WDR72: variants seen among roughly 807,000 people sequenced by gnomAD.
WDR72 encodes the protein WD repeat domain 72.
Under a neutral mutation model 124.2 loss-of-function variants are expected in WDR72, and 120 were observed. The observed-to-expected ratio is 0.97, with a 90% CI of 0.83 to 1.12. The LOEUF (loss-of-function observed/expected upper bound fraction) is 1.12, where lower values mean the gene tolerates loss of function less well. Among genes scored for constraint, WDR72 ranks in the 50% most tolerant of loss-of-function variants. WDR72 has a pLI of 0.00. For synonymous variants in WDR72, 452 were observed against 441.7 expected (o/e 1.02, Z -0.29); for missense variants, 1,387 against 1,278.8 (o/e 1.08, Z -1.29).
chr15:53,702,400 C>T, intron 11 of WDR72, 46 bp from the exon 12 acceptor site: 1 of 1,478,840 alleles, frequency 6.8e-7, no homozygotes, highest in Non-Finnish European at 9.4e-7. Context: ...TATTTTTGTT[C>T]AGAAAATCGT....
intron 13 of WDR72, among the ~76,000 whole-genome samples, chr15:53,698,252 T>C (rs914482966): frequency 2.0e-5 from 3 of 152,156 alleles, no homozygotes; most frequent in African/African-American, 7.2e-5. Context: ...AAGGGGACCA[T>C]AAACACTCGT....
chr15:53,586,657 A>G (rs867033643), intron 18 of WDR72, among the ~76,000 whole-genome samples: 13 of 152,074 alleles, frequency 8.5e-5, no homozygotes, highest in Admixed American at 2.6e-4. Context: ...TCATTTAATC[A>G]GCCAGCAATA....
chr15:53,695,443 G>A lies in WDR72; in HGVS notation c.1765+4307C>T, dbSNP rs184572007. On this transcript the variant is annotated intron_variant, in intron 13 of 19. Transcript: ENST00000360509. ...TATTGTGTCTCACAGCAATGAGGGC[G>A]ACCAAGCCGCCCAGAGTTGTCAGTG... Among the ~76,000 whole-genome samples the A allele has an allele frequency of 1.4e-3, 220 of 152,302 alleles. 1 individual carries two copies. Among genetic ancestry groups the A allele is most frequent in the Admixed American group, 2.5e-3 (39 of 15,296 alleles).
At chr15:53,666,732 T>A (rs1181469470) in intron 13 of WDR72, among the ~76,000 whole-genome samples, 2 of 152,158 alleles carry the variant, frequency 1.3e-5, no homozygotes, top group East Asian at 3.8e-4. Flanking sequence ...TTAATTACAA[T>A]AAGAAAATAG....
At chr15:53,658,499 T>C (rs932009749) in intron 14 of WDR72, among the ~76,000 whole-genome samples, 4 of 152,208 alleles carry the variant, frequency 2.6e-5, no homozygotes, top group Non-Finnish European at 1.5e-5. Flanking sequence ...TGTCAACATC[T>C]GTGGGTGTTG....
chr15:53,519,006 T>C (rs1215017451), intron 19 of WDR72, among the ~76,000 whole-genome samples: 1 of 152,102 alleles, frequency 6.6e-6, no homozygotes, highest in East Asian at 1.9e-4. Context: ...TGCATTTTGT[T>C]GGACTTCTAA....
intron 18 of WDR72, among the ~76,000 whole-genome samples, chr15:53,590,631 T>C (rs11858504): frequency 0.32 from 49,109 of 151,908 alleles, 8,685 homozygotes; most frequent in Middle Eastern, 0.56. Context: ...AGCAATGTAA[T>C]ACGGTGATGA....
intron 14 of WDR72, among the ~76,000 whole-genome samples, chr15:53,647,530 T>C (rs2015084560): frequency 6.6e-6 from 1 of 152,078 alleles, no homozygotes; most frequent in South Asian, 2.1e-4. Context: ...ACAAATTATC[T>C]GTGCAATCAT....
intron 18 of WDR72, among the ~76,000 whole-genome samples, chr15:53,557,643 C>A (rs1893979726): frequency 6.6e-6 from 1 of 151,834 alleles, no homozygotes; most frequent in Admixed American, 6.6e-5. Context: ...TGGCTGAGGT[C>A]AAGAGAGATC....
At chr15:53,761,031 G>A (rs1181239417), upstream of WDR72, among the ~76,000 whole-genome samples, 1 of 152,112 alleles carries the variant, frequency 6.6e-6, no homozygotes, top group Non-Finnish European at 1.5e-5. Flanking sequence ...GACTGAGGCA[G>A]GAGAATCACT....
intron 18 of WDR72, among the ~76,000 whole-genome samples, chr15:53,589,107 A>G (rs1417017328): frequency 2.0e-5 from 3 of 151,938 alleles, no homozygotes; most frequent in African/African-American, 7.2e-5. Flanking sequence ...TAAAAATATC[A>G]AACTGAAATC....
At chr15:53,618,835 T>C (rs1438857623) in intron 14 of WDR72, among the ~76,000 whole-genome samples, 1 of 152,080 alleles carries the variant, frequency 6.6e-6, no homozygotes, top group East Asian at 1.9e-4. Flanking sequence ...TTGAATATTT[T>C]CTCTTACCAT....
chr15:53,656,881 T>C (rs1331933672), intron 14 of WDR72, among the ~76,000 whole-genome samples: 1 of 152,088 alleles, frequency 6.6e-6, no homozygotes, highest in Non-Finnish European at 1.5e-5. Flanking sequence ...CAATAAATAA[T>C]AACCTCTTTA....
In WDR72 at chr15:53,597,058, A is replaced by G; in HGVS notation, c.3148+21T>C. ...TAGAAAAGTTCTGTTGAAAGAGTAT[A>G]CCAATAAATTTTGTACTTACTTTGC... On this transcript the variant is annotated intron_variant, in intron 18 of 19. Coordinates refer to ENST00000360509, the MANE Select transcript of WDR72 (RefSeq NM_182758.4). 1.9e-6 allele frequency: 3 copies of G among 1,611,498 alleles called. No homozygotes were observed. In the South Asian group the frequency reaches 3.3e-5, roughly 18 times the overall value.
At chr15:53,585,405 C>A (rs1489412029) in intron 18 of WDR72, among the ~76,000 whole-genome samples, 2 of 151,960 alleles carry the variant, frequency 1.3e-5, no homozygotes, top group African/African-American at 4.8e-5. Context: ...CCAATCACCT[C>A]CCTCTCTTGA....
rs144352300 is a variant in WDR72 at position 53,680,399 on chromosome 15, C to A, written c.1766-14631G>T. Among the ~76,000 whole-genome samples the A allele has an allele frequency of 4.0e-3, 615 of 152,232 alleles. 2 individuals carry two copies. Among genetic ancestry groups the A allele is most frequent in the African/African-American group, 0.014 (586 of 41,542 alleles). ...TATTGATGGGAGATAACTTTGCTAA[C>A]AGACCAAGCTTAAGAAAACTATCAT... On this transcript the variant is annotated intron_variant, in intron 13 of 19. Coordinates refer to ENST00000360509, the MANE Select transcript of WDR72 (RefSeq NM_182758.4).
intron 14 of WDR72, among the ~76,000 whole-genome samples, chr15:53,642,558 T>C (rs949089325): frequency 2.0e-5 from 3 of 152,028 alleles, no homozygotes; most frequent in Non-Finnish European, 4.4e-5. Flanking sequence ...TTCTTTATTA[T>C]CCATAAATGT....
chr15:53,564,972 T>A (rs774271977), intron 18 of WDR72, among the ~76,000 whole-genome samples: 12 of 151,856 alleles, frequency 7.9e-5, no homozygotes, highest in Non-Finnish European at 1.6e-4. Flanking sequence ...ATAATTCTAA[T>A]GCAGATAGTC....
At chr15:53,706,573 T>C (rs2017386953) in intron 9 of WDR72, among the ~76,000 whole-genome samples, 1 of 151,556 alleles carries the variant, frequency 6.6e-6, no homozygotes, top group African/African-American at 2.4e-5. Context: ...AGTCCAGTCA[T>C]TGTGATTCAG....
Sources: allele counts gnomAD v4.1 joint callset (sites outside exome capture counted in the v4.1 genomes callset), GRCh38; gene constraint gnomAD v4.1.1; transcripts MANE v1.5; gene names NCBI Gene and HGNC (gene_info 2026-07-23, HGNC 2026-07-21).